The following PRR11 variants were observed in gnomAD, a reference collection of about 807,000 sequenced individuals.
PRR11 encodes proline-rich protein 11.
Under a neutral mutation model 45.6 loss-of-function variants are expected in PRR11, and 30 were observed. That is an observed-to-expected ratio of 0.66 (90% CI 0.49 to 0.89). The LOEUF (loss-of-function observed/expected upper bound fraction) is 0.89, where lower values mean the gene tolerates loss of function less well. PRR11 is among the 40% of genes least tolerant of loss of function. PRR11 has a pLI of 0.00. For synonymous variants in PRR11, 128 were observed against 153.5 expected, an observed-to-expected ratio of 0.83 and a Z score of 1.23; for missense variants, 373 against 424.8, an observed-to-expected ratio of 0.88 and a Z score of 1.07.
chr17:59,175,230 G>A (rs2046737539), intron 2 of PRR11: 2 of 401,640 alleles, frequency 5.0e-6, no homozygotes, highest in Admixed American at 3.3e-5. Flanking sequence ...CCTCAGCTCA[G>A]GACTGGCACC....
chr17:59,193,341 G>C (rs2046848436), intron 4 of PRR11, 151 bp from the exon 5 acceptor site: 2 of 1,025,466 alleles, frequency 2.0e-6, no homozygotes. Context: ...ATGAAATGAA[G>C]AAACTTATGA....
chr17:59,179,658 T>C, intron 2 of PRR11: 1 of 1,496,278 alleles, frequency 6.7e-7, no homozygotes, highest in Non-Finnish European at 9.1e-7. Context: ...CCAAGCAGCC[T>C]GTTGAAAGTC....
At chr17:59,172,643 G>A (rs1227654464) in intron 2 of PRR11, among the ~76,000 whole-genome samples, 1 of 152,244 alleles carries the variant, frequency 6.6e-6, no homozygotes, top group African/African-American at 2.4e-5. Flanking sequence ...GCCAGCCCGG[G>A]CAGTGAGGGG....
chr17:59,172,981 C>T (rs1332252979), intron 2 of PRR11, among the ~76,000 whole-genome samples: 1 of 152,242 alleles, frequency 6.6e-6, no homozygotes, highest in African/African-American at 2.4e-5. Context: ...CAGCTGGGCT[C>T]CTGAGTCTAG....
At position 59,201,870 on chromosome 17, in the gene PRR11, C is replaced by T. The variant is rs1234966044; in HGVS notation, c.*239C>T. The T allele has an allele frequency of 6.9e-6, 3 of 433,430 alleles. No individual in the cohort carries two copies. 26.8% of individuals were successfully genotyped at this position (433,430 alleles called of 1,614,324 possible). Reference sequence around the variant, plus strand: ...CCTGTAATCCCAGCTATGCGGGAGGCTAAGGCAGGAGAATTGCTTGAACCC... The same window carrying T: ...CCTGTAATCCCAGCTATGCGGGAGGTTAAGGCAGGAGAATTGCTTGAACCC... On this transcript the variant is annotated 3_prime_UTR_variant, in exon 10 of 10. Transcript: ENST00000262293.
intron 4 of PRR11, among the ~76,000 whole-genome samples, chr17:59,190,868 C>T (rs1044162678): frequency 6.6e-6 from 1 of 152,222 alleles, no homozygotes; most frequent in Non-Finnish European, 1.5e-5. Flanking sequence ...CTGACCAGAT[C>T]ACGTGGACTG....
chr17:59,179,669 T>C, intron 2 of PRR11: 1 of 1,481,548 alleles, frequency 6.7e-7, no homozygotes, highest in Non-Finnish European at 9.2e-7. Flanking sequence ...GTTGAAAGTC[T>C]CGTGGTGCTC....
At chr17:59,195,499 T>C in intron 7 of PRR11, 56 bp downstream of exon 7, 4 of 1,174,016 alleles carry the variant, frequency 3.4e-6, no homozygotes, top group Non-Finnish European at 2.5e-6. Flanking sequence ...GATATTGTTG[T>C]ACAAAGGCCT....
intron 2 of PRR11, among the ~76,000 whole-genome samples, chr17:59,177,411 G>T (rs2046753923): frequency 6.6e-6 from 1 of 152,146 alleles, no homozygotes; most frequent in Non-Finnish European, 1.5e-5. Context: ...CGGGGTGGTG[G>T]GGTATTTGAA....
chr17:59,175,489 T>C (rs774687075), intron 2 of PRR11, among the ~76,000 whole-genome samples: 4 of 152,238 alleles, frequency 2.6e-5, no homozygotes, highest in Non-Finnish European at 5.9e-5. Flanking sequence ...ACGCCAGACG[T>C]GGTGGCTCAT....
chr17:59,165,740 C>A (rs998052921), intron 1 of PRR11, among the ~76,000 whole-genome samples: 8 of 151,852 alleles, frequency 5.3e-5, no homozygotes, highest in Admixed American at 4.6e-4. Flanking sequence ...TGCGGTGAGC[C>A]GAGATCGTGC....
intron 2 of PRR11, among the ~76,000 whole-genome samples, chr17:59,178,016 A>T (rs1054575565): frequency 1.3e-5 from 2 of 151,690 alleles, no homozygotes; most frequent in Non-Finnish European, 2.9e-5. Flanking sequence ...AAAAAAAAAA[A>T]ACAGGTGGGC....
intron 2 of PRR11, among the ~76,000 whole-genome samples, chr17:59,173,236 CTG>C (rs1256481156): frequency 4.6e-5 from 7 of 151,894 alleles, no homozygotes; most frequent in African/African-American, 1.7e-4. Flanking sequence ...AATCAGCTCT[CTG>C]TAAAACAGAC....
chr17:59,195,311 G>A lies in PRR11; in HGVS notation c.745-20G>A, dbSNP rs761083944. ...ATATTTTAAAATTTGTTTTAATAAT[G>A]TCTCATTTTATAATTAAAGCTTATA... On this transcript the variant is annotated intron_variant, in intron 6 of 9. Coordinates refer to ENST00000262293, the MANE Select transcript of PRR11 (RefSeq NM_018304.4). 3.8e-6 allele frequency: 6 copies of A among 1,563,184 alleles called. No homozygotes were observed. The highest frequency in any genetic ancestry group is 5.3e-6 in the Non-Finnish European group (6 of 1,136,578).
At position 59,187,578 on chromosome 17, in the gene PRR11, A is replaced by G. The variant is rs566088810; in HGVS notation, c.402+2016A>G. On this transcript the variant is annotated intron_variant, in intron 4 of 9. Transcript: ENST00000262293. ...GAGCAAGACTCCATCTCAAGAGTGAATCAGGGCTGAGCGCAGTGGCTCACG... is the reference window on the plus strand; with the variant it reads ...GAGCAAGACTCCATCTCAAGAGTGAGTCAGGGCTGAGCGCAGTGGCTCACG... Among the ~76,000 whole-genome samples, 16 of 151,404 alleles carry G rather than the reference A, an allele frequency of 1.1e-4. No individual in the cohort carries two copies. The South Asian group carries it at 2.9e-3, about 28-fold the overall frequency.
chr17:59,177,216 G>A (rs879107012), intron 2 of PRR11: 10 of 547,990 alleles, frequency 1.8e-5, no homozygotes, highest in Admixed American at 9.6e-5. Flanking sequence ...AGAAGAGGCC[G>A]GCGCGGCTAA....
intron 2 of PRR11, among the ~76,000 whole-genome samples, 188 bp downstream of exon 2, chr17:59,170,068 T>C (rs908896899): frequency 1.3e-5 from 2 of 151,998 alleles, no homozygotes; most frequent in African/African-American, 4.8e-5. Context: ...GCCTGGCCAA[T>C]GTGGCAAAAC....
At position 59,158,508 on chromosome 17, in the gene PRR11, G is replaced by C. The variant is rs57528871; in HGVS notation, c.-6+2703G>C. On this transcript the variant is annotated intron_variant, in intron 1 of 9. Transcript: ENST00000262293. ...CTAAGAGTAAAGTATCATGATGTCT[G>C]CAACTAAATCTATTCAATCCAAAAC... is the stretch of plus-strand genomic sequence containing the variant. Among the ~76,000 whole-genome samples, 948 of 152,226 alleles carry C rather than the reference G, an allele frequency of 6.2e-3. 12 individuals carry two copies. Among genetic ancestry groups the C allele is most frequent in the African/African-American group, 0.022 (920 of 41,538 alleles).
intron 2 of PRR11, among the ~76,000 whole-genome samples, chr17:59,180,314 A>G (rs1201960653): frequency 6.7e-6 from 1 of 149,824 alleles, no homozygotes; most frequent in Non-Finnish European, 1.5e-5. Context: ...TTCTTTTAGT[A>G]GGGATGGGGT....
Sources: gnomAD v4.1 joint callset for allele counts (sites outside exome capture counted in the v4.1 genomes callset) on GRCh38, gnomAD v4.1.1 for gene constraint, MANE v1.5 for transcripts, NCBI Gene and HGNC (gene_info 2026-07-23, HGNC 2026-07-21) for gene names.